Variants in SPAG17 observed in about 807,000 individuals in gnomAD.
SPAG17 encodes sperm-associated antigen 17.
In SPAG17, 169 loss-of-function variants were observed where a neutral mutation model predicts 273.6. The ratio of observed to expected loss-of-function variants is 0.62; its 90% CI spans 0.55 to 0.70. SPAG17 has a LOEUF of 0.70. SPAG17 is among the 30% of genes least tolerant of loss of function. The pLI, the probability that SPAG17 is intolerant of heterozygous loss-of-function variation, is 0.00. For synonymous variants in SPAG17, 825 were observed against 873.2 expected (o/e 0.94, Z 0.97); for missense variants, 2,557 against 2,627.8 (o/e 0.97, Z 0.59).
intron 7 of SPAG17, among the ~76,000 whole-genome samples, chr1:118,093,747 T>G (rs1655536040): frequency 6.6e-6 from 1 of 152,236 alleles, no homozygotes; most frequent in Non-Finnish European, 1.5e-5. Context: ...ACACTGACTC[T>G]GCTTTGTGGA....
At position 117,963,659 on chromosome 1, in the gene SPAG17, C is replaced by T. The variant is rs928749067; in HGVS notation, c.*140G>A. On this transcript the variant is annotated intron_variant, in intron 48 of 48. Coordinates refer to ENST00000336338, the MANE Select transcript of SPAG17 (RefSeq NM_206996.4). ...GATTACAGGTGTGAGCCACCGGGCC[C>T]GGCCTAAACAAATATTTTCATTCAT... 4.1e-5 allele frequency: 31 copies of T among 752,588 alleles called. 1 individual carries two copies. Among genetic ancestry groups the T allele is most frequent in the Middle Eastern group, 7.7e-4 (2 of 2,610 alleles). The allele number at this position is 752,588 out of a possible 1,614,324, so 46.6% of individuals were successfully genotyped here. A position where few individuals can be genotyped will look rare whatever the true frequency, so the allele number is the denominator to read the frequency against.
At chr1:118,024,817 T>C (rs1402260956) in intron 27 of SPAG17, among the ~76,000 whole-genome samples, 1 of 152,228 alleles carries the variant, frequency 6.6e-6, no homozygotes, top group Non-Finnish European at 1.5e-5. Context: ...TCCTCTTGTG[T>C]ATGTTTTAAC....
chr1:118,151,008 C>T (rs1364488558), intron 2 of SPAG17, among the ~76,000 whole-genome samples: 1 of 152,102 alleles, frequency 6.6e-6, no homozygotes, highest in African/African-American at 2.4e-5. Flanking sequence ...CCTCAGAAAT[C>T]TTTGTCAAAT....
intron 20 of SPAG17, among the ~76,000 whole-genome samples, chr1:118,051,544 TACAC>T (rs147508671): frequency 1.3e-5 from 2 of 148,426 alleles, no homozygotes; most frequent in Non-Finnish European, 3.0e-5. Context: ...AAATTTGAGA[TACAC>T]ACACACACAC....
At chr1:118,173,594 G>A (rs1660517692) in intron 1 of SPAG17, among the ~76,000 whole-genome samples, 2 of 152,094 alleles carry the variant, frequency 1.3e-5, no homozygotes, top group Non-Finnish European at 1.5e-5. Flanking sequence ...CACATCTAAG[G>A]CCCTGAGAGG....
At chr1:118,019,242 T>C (rs984528757) in intron 28 of SPAG17, among the ~76,000 whole-genome samples, 1 of 151,996 alleles carries the variant, frequency 6.6e-6, no homozygotes, top group Non-Finnish European at 1.5e-5. Context: ...CTAAAATGCA[T>C]ACTTTATGTG....
chr1:118,150,218 T>C (rs982308041), intron 3 of SPAG17, among the ~76,000 whole-genome samples: 3 of 152,212 alleles, frequency 2.0e-5, no homozygotes, highest in African/African-American at 7.2e-5. Flanking sequence ...TGCTGTCACA[T>C]ACTCAGCAAT....
chr1:118,067,146 G>A (rs1653064467), intron 17 of SPAG17, among the ~76,000 whole-genome samples: 1 of 152,166 alleles, frequency 6.6e-6, no homozygotes, highest in African/African-American at 2.4e-5. Flanking sequence ...AGCGGCGCTT[G>A]CTACAAGTGT....
chr1:118,117,994 A>G (rs1214128696), intron 3 of SPAG17, among the ~76,000 whole-genome samples: 1 of 152,238 alleles, frequency 6.6e-6, no homozygotes, highest in Non-Finnish European at 1.5e-5. Context: ...GGAAAAAGAA[A>G]AATGTTTACA....
At chr1:118,005,752 G>T in intron 31 of SPAG17, 150 bp from the exon 32 acceptor site, 1 of 518,522 alleles carries the variant, frequency 1.9e-6, no homozygotes. Flanking sequence ...GAGGACTTAA[G>T]GTTTGGAAAG....
At chr1:118,077,091 A>C (rs1275589978) in intron 15 of SPAG17, among the ~76,000 whole-genome samples, 1 of 152,188 alleles carries the variant, frequency 6.6e-6, no homozygotes, top group Admixed American at 6.5e-5. Context: ...TTTTATATGT[A>C]TTTGATGCTA....
chr1:118,157,047 C>T (rs1659686566), intron 1 of SPAG17, among the ~76,000 whole-genome samples: 2 of 152,264 alleles, frequency 1.3e-5, no homozygotes, highest in Admixed American at 6.5e-5. Context: ...CTCTTCCCAA[C>T]TCTCTTCAGT....
Position 118,066,917 on chromosome 1 carries a change from T to G in SPAG17, c.2386-18A>C. On this transcript the variant is annotated intron_variant, in intron 17 of 48. Coordinates refer to ENST00000336338, the MANE Select transcript of SPAG17 (RefSeq NM_206996.4). ...TGAAGGACCTGAAAATCAAAATAAT[T>G]GCATTGTAGAATCTTTTTTATTTTC... 1 of 1,592,042 alleles carries G rather than the reference T, an allele frequency of 6.3e-7. No individual in the cohort carries two copies. Among genetic ancestry groups the G allele is most frequent in the South Asian group, 1.2e-5 (1 of 86,356 alleles).
At chr1:118,179,872 C>G (rs561904403) in intron 1 of SPAG17, among the ~76,000 whole-genome samples, 5 of 152,056 alleles carry the variant, frequency 3.3e-5, no homozygotes, top group African/African-American at 1.2e-4. Context: ...CAGATAAATG[C>G]AAATCAAAAC....
At chr1:117,991,722 A>G (rs988819900) in intron 36 of SPAG17, among the ~76,000 whole-genome samples, 194 bp from the exon 37 acceptor site, 1 of 152,210 alleles carries the variant, frequency 6.6e-6, no homozygotes, top group African/African-American at 2.4e-5. Flanking sequence ...TGAGAAGTGC[A>G]AAAGCAAAGC....
At position 118,015,165 on chromosome 1, in the gene SPAG17, A is replaced by G. The variant is rs184379169; in HGVS notation, c.4287+800T>C. Among the ~76,000 whole-genome samples, 1,364 of 151,802 alleles carry G rather than the reference A, an allele frequency of 9.0e-3. 41 individuals are homozygous for G. The highest frequency in any genetic ancestry group is 0.07 in the Admixed American group (1,061 of 15,214). ...CCGGGCGTGGTGGCAGGTGCCTGTT[A>G]TCCCAGCTACATGGGAGGCTGAGGC... On this transcript the variant is annotated intron_variant, in intron 29 of 48. Transcript: ENST00000336338.
chr1:118,052,656 C>T (rs1221306796), intron 20 of SPAG17, among the ~76,000 whole-genome samples: 1 of 151,646 alleles, frequency 6.6e-6, no homozygotes, highest in Non-Finnish European at 1.5e-5. Context: ...TGTTGTACAC[C>T]AGAAATAGAT....
chr1:117,988,338 C>T (rs1198039727), intron 38 of SPAG17, 134 bp from the exon 39 acceptor site: 1 of 523,414 alleles, frequency 1.9e-6, no homozygotes, highest in Admixed American at 3.8e-5. Flanking sequence ...CTAGGACTTA[C>T]ATGACCAAGC....
intron 29 of SPAG17, among the ~76,000 whole-genome samples, chr1:118,013,318 G>A (rs1238399972): frequency 1.3e-5 from 2 of 152,210 alleles, no homozygotes; most frequent in African/African-American, 4.8e-5. Flanking sequence ...GGGAGCAGGT[G>A]ATTTTCACCT....
Sources: allele counts gnomAD v4.1 joint callset (sites outside exome capture counted in the v4.1 genomes callset), GRCh38; gene constraint gnomAD v4.1.1; transcripts MANE v1.5; gene names NCBI Gene and HGNC (gene_info 2026-07-23, HGNC 2026-07-21).